CSMD1: variants seen among roughly 807,000 people sequenced by gnomAD.
The protein encoded by CSMD1 is CUB and sushi domain-containing protein 1.
Under a neutral mutation model 417.5 loss-of-function variants are expected in CSMD1, and 213 were observed. That is an observed-to-expected ratio of 0.51 (90% CI 0.46 to 0.57). CSMD1 has a LOEUF of 0.57. CSMD1 is among the 20% of genes least tolerant of loss of function. CSMD1 has a pLI of 0.00. For missense variants in CSMD1, 6,923 were observed against 4,529.7 expected, an observed-to-expected ratio of 1.53 and a Z score of -15.17; for synonymous variants, 2,862 against 1,736.8, an observed-to-expected ratio of 1.65 and a Z score of -16.11.
chr8:4,658,031 C>T (rs1390689249), intron 1 of CSMD1, among the ~76,000 whole-genome samples: 1 of 151,596 alleles, frequency 6.6e-6, no homozygotes, highest in South Asian at 2.1e-4. Context: ...TTGAAAATAT[C>T]CAGTATGAAG....
At chr8:3,981,246 G>C (rs767089266) in intron 5 of CSMD1, among the ~76,000 whole-genome samples, 1 of 152,100 alleles carries the variant, frequency 6.6e-6, no homozygotes, top group Admixed American at 6.6e-5. Context: ...CTCAGGCGTT[G>C]AAAACCAAAC....
intron 6 of CSMD1, among the ~76,000 whole-genome samples, chr8:3,717,884 C>T (rs1371872481): frequency 6.6e-6 from 1 of 152,102 alleles, no homozygotes; most frequent in Non-Finnish European, 1.5e-5. Flanking sequence ...TCAAATTCTG[C>T]TCAGTTTCCA....
At chr8:3,465,536 C>A (rs1207566094) in intron 12 of CSMD1, among the ~76,000 whole-genome samples, 1 of 152,044 alleles carries the variant, frequency 6.6e-6, no homozygotes, top group East Asian at 1.9e-4. Context: ...AAAGCATCCT[C>A]CAGGGAGATT....
intron 2 of CSMD1, among the ~76,000 whole-genome samples, chr8:4,617,121 A>C (rs562201961): frequency 6.6e-6 from 1 of 152,222 alleles, no homozygotes; most frequent in South Asian, 2.1e-4. Flanking sequence ...CATGTTTTAA[A>C]ATTCTTATGC....
chr8:3,736,217 ATT>A (rs1352473392), intron 6 of CSMD1, among the ~76,000 whole-genome samples: 3 of 151,934 alleles, frequency 2.0e-5, no homozygotes, highest in Non-Finnish European at 4.4e-5. Flanking sequence ...CTCACTCAAC[ATT>A]TGTGTGTGTG....
chr8:4,340,771 A>G (rs1341715729), intron 3 of CSMD1, among the ~76,000 whole-genome samples: 4 of 152,126 alleles, frequency 2.6e-5, no homozygotes, highest in Non-Finnish European at 5.9e-5. Context: ...ACTGTCAAGC[A>G]AACTCATAAT....
intron 2 of CSMD1, among the ~76,000 whole-genome samples, chr8:4,447,979 T>A (rs1798913357): frequency 6.6e-6 from 1 of 152,186 alleles, no homozygotes; most frequent in Non-Finnish European, 1.5e-5. Flanking sequence ...CCAAAAAGCC[T>A]CTTGGAAATT....
intron 1 of CSMD1, among the ~76,000 whole-genome samples, chr8:4,973,758 AC>A (rs1358277796): frequency 6.6e-5 from 10 of 152,134 alleles, no homozygotes; most frequent in Non-Finnish European, 1.0e-4. Flanking sequence ...TTTTTTATTC[AC>A]CCAAAGATGT....
At chr8:3,695,162 G>A (rs1323849016) in intron 7 of CSMD1, among the ~76,000 whole-genome samples, 3 of 150,772 alleles carry the variant, frequency 2.0e-5, no homozygotes, top group East Asian at 3.9e-4. Flanking sequence ...AGCACAGGGG[G>A]ACATATTTCC....
chr8:4,951,335 T>G (rs1808731807), intron 1 of CSMD1, among the ~76,000 whole-genome samples: 1 of 152,052 alleles, frequency 6.6e-6, no homozygotes, highest in Non-Finnish European at 1.5e-5. Flanking sequence ...CATATTTCTA[T>G]TACTTGAGCT....
chr8:3,004,218 T>G (rs377433872), intron 52 of CSMD1, among the ~76,000 whole-genome samples: 1 of 152,190 alleles, frequency 6.6e-6, no homozygotes. Context: ...CCAGAGGCTG[T>G]GATTTGTCTT....
At chr8:3,468,601 A>T in intron 12 of CSMD1, 111 bp downstream of exon 12, 3 of 617,352 alleles carry the variant, frequency 4.9e-6, no homozygotes, top group Admixed American at 2.9e-5. Context: ...ATTCCTATTT[A>T]TCAGCATTGT....
intron 1 of CSMD1, among the ~76,000 whole-genome samples, chr8:4,663,029 T>C (rs1354805068): frequency 6.6e-6 from 1 of 152,236 alleles, no homozygotes; most frequent in Non-Finnish European, 1.5e-5. Context: ...CTGAAAAATC[T>C]CTGTTCCAGC....
rs899429679 is a variant in CSMD1, at chr8:4,382,638, T to A, written c.415+37315A>T. 3.3e-5 allele frequency among the ~76,000 whole-genome samples: 5 copies of A among 152,200 alleles called. No homozygotes were observed. In the South Asian group the frequency reaches 8.3e-4, roughly 25 times the overall value. ...GGTCATACATATAATTGCATCTAAG[T>A]TTAGGAAAACAAGTCTTCACATCAG... On this transcript the variant is annotated intron_variant, in intron 3 of 69. Coordinates refer to ENST00000635120, the MANE Select transcript of CSMD1 (RefSeq NM_033225.6).
At chr8:4,875,877 C>G (rs1284018541) in intron 1 of CSMD1, among the ~76,000 whole-genome samples, 1 of 151,616 alleles carries the variant, frequency 6.6e-6, no homozygotes, top group African/African-American at 2.4e-5. Context: ...TTTATGAAAG[C>G]CATTTAGTGA....
chr8:3,924,935 C>T (rs942602013), intron 5 of CSMD1, among the ~76,000 whole-genome samples: 2 of 152,012 alleles, frequency 1.3e-5, no homozygotes, highest in Non-Finnish European at 2.9e-5. Flanking sequence ...ATTTTTTTCT[C>T]TCTTCCTTGA....
At chr8:3,720,761 A>ACCT (rs1802115716) in intron 6 of CSMD1, among the ~76,000 whole-genome samples, 1 of 152,018 alleles carries the variant, frequency 6.6e-6, no homozygotes, top group African/African-American at 2.4e-5. Context: ...AAGCTGTAAC[A>ACCT]CCTTCAGATG....
chr8:4,611,480 C>T (rs971863292), intron 2 of CSMD1, among the ~76,000 whole-genome samples: 1 of 152,232 alleles, frequency 6.6e-6, no homozygotes, highest in African/African-American at 2.4e-5. Context: ...TAGTTTTCTT[C>T]AAATTGCCTA....
At chr8:4,302,018 T>C (rs1016665939) in intron 3 of CSMD1, among the ~76,000 whole-genome samples, 1 of 152,260 alleles carries the variant, frequency 6.6e-6, no homozygotes, top group East Asian at 1.9e-4. Flanking sequence ...GAGTTTATTT[T>C]GGTACAAATA....
Sources: allele counts gnomAD v4.1 joint callset (sites outside exome capture counted in the v4.1 genomes callset), GRCh38; gene constraint gnomAD v4.1.1; transcripts MANE v1.5; gene names NCBI Gene and HGNC (gene_info 2026-07-23, HGNC 2026-07-21).